The following ENPEP variants were observed in gnomAD, a reference collection of about 807,000 sequenced individuals.
ENPEP encodes the protein AP-A.
A neutral mutation model predicts 114.5 loss-of-function variants in ENPEP; 103 were observed. The ratio of observed to expected loss-of-function variants is 0.90; its 90% CI spans 0.77 to 1.06. The LOEUF (loss-of-function observed/expected upper bound fraction) is 1.06. Among genes scored for constraint, ENPEP ranks in the 50% least tolerant of loss-of-function variants. ENPEP has a pLI of 0.00. For missense variants in ENPEP, 1,196 were observed against 1,161.3 expected, an observed-to-expected ratio of 1.03 and a Z score of -0.43; for synonymous variants, 420 against 422.0, an observed-to-expected ratio of 1.00 and a Z score of 0.06.
In ENPEP at chr4:110,553,894, A is replaced by G. The variant is rs532790208; in HGVS notation, c.2642+439A>G. ...TGGGTGATAACTATTACCTATCCTG[A>G]CCAGATAATGAAATTTCAAGTATTT... On this transcript the variant is annotated intron_variant, in intron 18 of 19. Transcript: ENST00000265162. 2.0e-5 allele frequency among the ~76,000 whole-genome samples: 3 copies of G among 152,116 alleles called. No homozygotes were observed. The South Asian group carries it at 6.2e-4, about 32-fold the overall frequency.
chr4:110,493,186 G>A (rs907275200), intron 3 of ENPEP, among the ~76,000 whole-genome samples: 2 of 152,178 alleles, frequency 1.3e-5, no homozygotes, highest in African/African-American at 4.8e-5. Context: ...ACTAGAGCCT[G>A]TACCAGTTAG....
chr4:110,514,547 A>G (rs138243299), intron 7 of ENPEP, among the ~76,000 whole-genome samples: 172 of 152,182 alleles, frequency 1.1e-3, no homozygotes, highest in African/African-American at 4.0e-3. Flanking sequence ...GTTTAAATTT[A>G]TTCAATCATT....
chr4:110,531,787 A>T (rs1395211856), intron 11 of ENPEP, among the ~76,000 whole-genome samples: 1 of 152,126 alleles, frequency 6.6e-6, no homozygotes, highest in Non-Finnish European at 1.5e-5. Context: ...TTCCAGATTG[A>T]TGAAAAAAAT....
intron 18 of ENPEP, among the ~76,000 whole-genome samples, chr4:110,555,449 T>G (rs928925636): frequency 6.6e-6 from 1 of 152,080 alleles, no homozygotes; most frequent in African/African-American, 2.4e-5. Context: ...ATAAATAATC[T>G]TCTATTTAAA....
At chr4:110,532,950 G>GA (rs374875517) in intron 11 of ENPEP, 4,400 of 231,900 alleles carry the variant, frequency 0.019, 2 homozygotes, top group South Asian at 0.036. Context: ...GGAGAAGACA[G>GA]AAAAAAAAAA....
intron 8 of ENPEP, among the ~76,000 whole-genome samples, chr4:110,516,713 A>T (rs550170999): frequency 1.3e-5 from 2 of 152,338 alleles, no homozygotes; most frequent in Non-Finnish European, 2.9e-5. Context: ...CCCAATAGTG[A>T]AACATCTAGG....
At chr4:110,551,092 T>TA (rs569706672) in intron 17 of ENPEP, among the ~76,000 whole-genome samples, 11,572 of 132,294 alleles carry the variant, frequency 0.087, 516 homozygotes, top group South Asian at 0.16. Context: ...CGTATCTATT[T>TA]AAAAAAAAAA....
intron 10 of ENPEP, among the ~76,000 whole-genome samples, chr4:110,527,910 G>A (rs1305688306): frequency 6.6e-6 from 1 of 151,934 alleles, no homozygotes; most frequent in African/African-American, 2.4e-5. Context: ...TTAATTAATG[G>A]GGTTGGATTT....
chr4:110,486,312 A>T (rs1724498139), intron 1 of ENPEP, among the ~76,000 whole-genome samples: 1 of 152,174 alleles, frequency 6.6e-6, no homozygotes, highest in African/African-American at 2.4e-5. Context: ...CTTGAATCAA[A>T]ATAAAATGCA....
rs773846807 is a variant in ENPEP, at chr4:110,559,693, G to A, written c.2689G>A (p.Glu897Lys). 3.1e-6 allele frequency: 5 copies of A among 1,613,930 alleles called. No homozygotes were observed. In the South Asian group the frequency reaches 5.5e-5, roughly 18 times the overall value. Residue 897 changes from glutamate to lysine, a missense_variant, in exon 19 of 20, where the codon GAG becomes AAG. By Grantham distance (56) the Glu-to-Lys change is moderately conservative (BLOSUM62 1). Transcript: ENST00000265162. ...CCTTGGCCGAATTGTCACAATAGCAGAGCCATTCAACACTGAACTGCAACT... is the reference window on the plus strand; with the variant it reads ...CCTTGGCCGAATTGTCACAATAGCAAAGCCATTCAACACTGAACTGCAACT... ...RNLGRIVTIA[E>K]PFNTELQLWQ... is the part of the protein sequence containing the mutation.
At chr4:110,536,270 GT>G (rs2110380306) in intron 11 of ENPEP, among the ~76,000 whole-genome samples, 1 of 152,256 alleles carries the variant, frequency 6.6e-6, no homozygotes, top group African/African-American at 2.4e-5. Flanking sequence ...TGCAATAAAA[GT>G]TTCTTGTTCA....
At chr4:110,525,196 G>A (rs1328240709) in intron 10 of ENPEP, among the ~76,000 whole-genome samples, 4 of 152,228 alleles carry the variant, frequency 2.6e-5, no homozygotes, top group Middle Eastern at 3.4e-3. Flanking sequence ...TAACTAAATC[G>A]TTATTTTTGT....
intron 3 of ENPEP, among the ~76,000 whole-genome samples, chr4:110,503,117 A>G (rs1446867315): frequency 6.6e-6 from 1 of 151,908 alleles, no homozygotes; most frequent in Admixed American, 6.6e-5. Flanking sequence ...AAGTGTTCTC[A>G]TTGTTCAATT....
chr4:110,479,798 A>G (rs946062656), intron 1 of ENPEP, among the ~76,000 whole-genome samples: 4 of 152,220 alleles, frequency 2.6e-5, no homozygotes, highest in African/African-American at 9.6e-5. Flanking sequence ...TAAAGACAAG[A>G]GAAATTTTAT....
At chr4:110,503,931 G>A (rs967559921) in intron 3 of ENPEP, among the ~76,000 whole-genome samples, 2 of 152,196 alleles carry the variant, frequency 1.3e-5, no homozygotes, top group African/African-American at 4.8e-5. Flanking sequence ...TCAGCCACAA[G>A]GCTCCTCTGT....
At chr4:110,550,148 C>A (rs535646148) in intron 17 of ENPEP, among the ~76,000 whole-genome samples, 2 of 152,180 alleles carry the variant, frequency 1.3e-5, no homozygotes, top group Non-Finnish European at 2.9e-5. Context: ...CCAGGCTCTT[C>A]TCTTTCTGAT....
intron 11 of ENPEP, among the ~76,000 whole-genome samples, chr4:110,532,356 T>C (rs1345241577): frequency 6.6e-6 from 1 of 152,200 alleles, no homozygotes; most frequent in Non-Finnish European, 1.5e-5. Context: ...TAAATAAAAG[T>C]GTATATGCAG....
chr4:110,533,295 A>G (rs1048714435), intron 11 of ENPEP: 1 of 230,576 alleles, frequency 4.3e-6, no homozygotes, highest in Non-Finnish European at 9.1e-6. Flanking sequence ...TTGTTCTAAT[A>G]TGTGTTATGT....
chr4:110,517,175 A>G (rs1725810141), intron 8 of ENPEP, among the ~76,000 whole-genome samples: 1 of 152,008 alleles, frequency 6.6e-6, no homozygotes, highest in South Asian at 2.1e-4. Flanking sequence ...TGTGAGCTCA[A>G]GAGATCCGCC....
Sources: gnomAD v4.1 joint callset for allele counts (sites outside exome capture counted in the v4.1 genomes callset) on GRCh38, gnomAD v4.1.1 for gene constraint, MANE v1.5 for transcripts, NCBI Gene and HGNC (gene_info 2026-07-23, HGNC 2026-07-21) for gene names.